The following TRIM33 variants were observed in gnomAD, a reference collection of about 807,000 sequenced individuals.
TRIM33 encodes tripartite motif containing 33.
TRIM33 carries 20 observed loss-of-function variants against 125.4 expected under a neutral mutation model. The ratio of observed to expected loss-of-function variants is 0.16; its 90% CI spans 0.11 to 0.23. TRIM33 has a LOEUF of 0.23. Among genes scored for constraint, TRIM33 ranks in the 10% least tolerant of loss-of-function variants. The pLI, the probability that TRIM33 is intolerant of heterozygous loss-of-function variation, is 1.00. For missense variants in TRIM33, 920 were observed against 1,411.4 expected (o/e 0.65, Z 5.58); for synonymous variants, 564 against 513.9 (o/e 1.10, Z -1.32).
In TRIM33 at chr1:114,393,389, C is replaced by T. The variant is rs1651381431; in HGVS notation, c.*4259G>A. On this transcript the variant is annotated 3_prime_UTR_variant, in exon 20 of 20. Coordinates refer to ENST00000358465, the MANE Select transcript of TRIM33 (RefSeq NM_015906.4). ...AGGCCACACTTGAAAGGGAATATTG[C>T]AGTGGCACTTACAAAATCATTTTGG... The T allele has an allele frequency of 5.0e-6, 1 of 201,630 alleles. No homozygotes were observed. The highest frequency in any genetic ancestry group is 7.6e-5 in the East Asian group (1 of 13,098). The allele number at this position is 201,630 out of a possible 1,614,324, so 12.5% of individuals were successfully genotyped here. A position where few individuals can be genotyped will look rare whatever the true frequency, so the allele number is the denominator to read the frequency against.
intron 1 of TRIM33, among the ~76,000 whole-genome samples, chr1:114,507,912 T>A (rs979769754): frequency 2.6e-5 from 4 of 151,382 alleles, no homozygotes; most frequent in African/African-American, 9.7e-5. Flanking sequence ...AAGCCAGGAG[T>A]TCAAGACCAG....
chr1:114,478,498 T>C (rs1355707752), intron 1 of TRIM33, among the ~76,000 whole-genome samples: 3 of 152,196 alleles, frequency 2.0e-5, no homozygotes, highest in South Asian at 2.1e-4. Flanking sequence ...ACATGGCTAA[T>C]TGGGACACTG....
rs906576750 is a variant in TRIM33 at position 114,477,347 on chromosome 1, G to GA, written c.527-12960dup. Among the ~76,000 whole-genome samples the GA allele has an allele frequency of 1.2e-3, 156 of 134,034 alleles. 2 individuals are homozygous for GA. Among genetic ancestry groups the GA allele is most frequent in the Admixed American group, 2.7e-3 (36 of 13,382 alleles). The allele number at this position is 134,034 out of a possible 152,430, so 87.9% of individuals were successfully genotyped here. ...ATTTAAAGCTAGCAAAACCTTAAAG[G>GA]AAAAAAAAAAAACAAAAACACTTCT... On this transcript the variant is annotated intron_variant, in intron 1 of 19. Coordinates refer to ENST00000358465, the MANE Select transcript of TRIM33 (RefSeq NM_015906.4).
intron 14 of TRIM33, among the ~76,000 whole-genome samples, chr1:114,406,682 TG>T (rs1652262056): frequency 6.6e-6 from 1 of 152,184 alleles, no homozygotes; most frequent in Non-Finnish European, 1.5e-5. Flanking sequence ...TTTAGCATCA[TG>T]GGAAGAATAT....
chr1:114,435,492 T>C (rs976507022), intron 4 of TRIM33, among the ~76,000 whole-genome samples: 2 of 152,160 alleles, frequency 1.3e-5, no homozygotes, highest in Non-Finnish European at 2.9e-5. Context: ...AAATGTCCAT[T>C]GTTTCTTCAA....
chr1:114,482,028 T>G (rs998411085), intron 1 of TRIM33, among the ~76,000 whole-genome samples: 1 of 152,168 alleles, frequency 6.6e-6, no homozygotes, highest in Admixed American at 6.5e-5. Context: ...CCCAAAGAGC[T>G]GGGATTACAG....
chr1:114,502,452 A>T (rs919780413), intron 1 of TRIM33, among the ~76,000 whole-genome samples: 1 of 152,258 alleles, frequency 6.6e-6, no homozygotes, highest in Non-Finnish European at 1.5e-5. Flanking sequence ...ATTCATTACA[A>T]GATGAATTAA....
chr1:114,476,234 T>A (rs1404052463), intron 1 of TRIM33, among the ~76,000 whole-genome samples: 2 of 151,564 alleles, frequency 1.3e-5, no homozygotes, highest in African/African-American at 2.4e-5. Flanking sequence ...AAAAAAAACC[T>A]TTCAATTAAA....
chr1:114,454,816 A>G (rs1284188707), intron 4 of TRIM33, among the ~76,000 whole-genome samples: 1 of 152,178 alleles, frequency 6.6e-6, no homozygotes, highest in African/African-American at 2.4e-5. Context: ...TGCAGTCACT[A>G]GTCTCAGGGT....
At chr1:114,431,458 A>T (rs909320074) in intron 5 of TRIM33, among the ~76,000 whole-genome samples, 1 of 152,218 alleles carries the variant, frequency 6.6e-6, no homozygotes, top group Non-Finnish European at 1.5e-5. Context: ...AAACATTTTC[A>T]ATCCATTTTT....
Position 114,402,745 on chromosome 1 carries a change from T to C in TRIM33, c.2892+15A>G. On this transcript the variant is annotated intron_variant, in intron 16 of 19. Transcript: ENST00000358465. ...TACTGAATCCCAGTGACAAATCAAC[T>C]TATTTGACACTTACCCTTTGGTCCA... 2 of 1,608,398 alleles carry C rather than the reference T, an allele frequency of 1.2e-6. No homozygotes were observed. Among genetic ancestry groups the C allele is most frequent in the Non-Finnish European group, 1.7e-6 (2 of 1,178,000 alleles).
At chr1:114,486,545 T>G (rs1330214371) in intron 1 of TRIM33, among the ~76,000 whole-genome samples, 1 of 45,840 alleles carries the variant, frequency 2.2e-5, no homozygotes, top group Admixed American at 2.7e-4. Flanking sequence ...GGACCCTATC[T>G]CAAAAAAAAA....
chr1:114,498,201 T>C (rs1055306579), intron 1 of TRIM33, among the ~76,000 whole-genome samples: 21 of 151,940 alleles, frequency 1.4e-4, no homozygotes, highest in African/African-American at 4.6e-4. Context: ...CTGAAATGTT[T>C]CAAAAGTAAA....
chr1:114,469,881 T>C (rs189575127), intron 1 of TRIM33, among the ~76,000 whole-genome samples: 4 of 152,302 alleles, frequency 2.6e-5, no homozygotes, highest in South Asian at 4.1e-4. Flanking sequence ...GGAGATATGA[T>C]ACAGAAAGTA....
At chr1:114,448,868 C>G (rs1462213469) in intron 4 of TRIM33, among the ~76,000 whole-genome samples, 2 of 151,728 alleles carry the variant, frequency 1.3e-5, no homozygotes, top group African/African-American at 4.8e-5. Flanking sequence ...ATGATAAGAT[C>G]TAGTATATGA....
chr1:114,509,696 T>C (rs1653220763), intron 1 of TRIM33, among the ~76,000 whole-genome samples: 1 of 152,188 alleles, frequency 6.6e-6, no homozygotes, highest in Non-Finnish European at 1.5e-5. Flanking sequence ...TGGATTTCCT[T>C]TCCTGTGAAA....
chr1:114,420,702 C>T (rs372182579), intron 11 of TRIM33, among the ~76,000 whole-genome samples: 33 of 152,152 alleles, frequency 2.2e-4, no homozygotes, highest in African/African-American at 7.5e-4. Context: ...CAATGTAATG[C>T]TCTGATCTAT....
At chr1:114,459,336 A>G (rs774569296) in intron 4 of TRIM33, among the ~76,000 whole-genome samples, 2 of 152,240 alleles carry the variant, frequency 1.3e-5, no homozygotes, top group African/African-American at 2.4e-5. Context: ...AACCTGAAAG[A>G]GCAAGGGTTG....
chr1:114,402,918 T>G (rs1183534814), intron 15 of TRIM33, 35 bp from the exon 16 acceptor site: 1 of 1,580,326 alleles, frequency 6.3e-7, no homozygotes, highest in South Asian at 1.2e-5. Flanking sequence ...TCCACGTAAT[T>G]ATAAGAAAGC....
Sources: allele counts gnomAD v4.1 joint callset (sites outside exome capture counted in the v4.1 genomes callset), GRCh38; gene constraint gnomAD v4.1.1; transcripts MANE v1.5; gene names NCBI Gene and HGNC (gene_info 2026-07-23, HGNC 2026-07-21).